CHST9: variants seen among roughly 807,000 people sequenced by gnomAD.
CHST9 encodes the protein GalNAc-4-sulfotransferase 2.
CHST9 carries 41 observed loss-of-function variants against 44.4 expected under a neutral mutation model. The ratio of observed to expected loss-of-function variants is 0.92; its 90% confidence interval spans 0.72 to 1.20. The LOEUF is 1.20. CHST9 is among the 50% of genes most tolerant of loss of function. The pLI is 0.00. For missense variants in CHST9, 504 were observed against 516.5 expected (o/e 0.98, Z 0.23); for synonymous variants, 171 against 178.4 (o/e 0.96, Z 0.33).
Position 27,171,591 on chromosome 18 carries a change from T to C in CHST9, c.-97+13545A>G, listed in dbSNP as rs140966383. ...ACTTGGTGGGGAGCATACAGTCCTA[T>C]GAAGTATTGTAAATGTACAAGGTTC... On this transcript the variant is annotated intron_variant, in intron 1 of 5. Transcript: ENST00000618847. 2.8e-3 allele frequency among the ~76,000 whole-genome samples: 424 copies of C among 152,340 alleles called. 1 individual carries two copies. The highest frequency in any genetic ancestry group is 9.9e-3 in the African/African-American group (410 of 41,584).
chr18:27,085,371 T>A (rs2058001830), intron 2 of CHST9, among the ~76,000 whole-genome samples: 1 of 152,048 alleles, frequency 6.6e-6, no homozygotes, highest in African/African-American at 2.4e-5. Context: ...AAACTATGCA[T>A]CCAACAAAGG....
intron 2 of CHST9, among the ~76,000 whole-genome samples, chr18:27,099,571 CAA>C (rs2058150830): frequency 1.3e-5 from 2 of 152,156 alleles, no homozygotes; most frequent in South Asian, 4.2e-4. Context: ...AGACACTTCT[CAA>C]AAGAGTACAT....
intron 5 of CHST9, chr18:26,930,549 G>C (rs2055858580): frequency 6.5e-6 from 1 of 152,994 alleles, no homozygotes; most frequent in Non-Finnish European, 1.5e-5. Flanking sequence ...GCAGCTTTTT[G>C]GGGTTTCCAA....
At chr18:26,952,483 A>G in intron 4 of CHST9, 1 of 450,712 alleles carries the variant, frequency 2.2e-6, no homozygotes. Flanking sequence ...GGCTCTGACA[A>G]TTGGTATAAA....
intron 2 of CHST9, among the ~76,000 whole-genome samples, chr18:27,141,073 C>T (rs2058560294): frequency 6.6e-6 from 1 of 152,090 alleles, no homozygotes; most frequent in African/African-American, 2.4e-5. Context: ...TCAAGACGAG[C>T]CTGGGCGGGG....
chr18:27,174,276 A>T (rs763574224), intron 1 of CHST9, among the ~76,000 whole-genome samples: 2 of 151,856 alleles, frequency 1.3e-5, no homozygotes, highest in Admixed American at 6.6e-5. Context: ...TGTTAATCAC[A>T]CTGACATTTT....
chr18:27,024,191 C>T, intron 3 of CHST9, 34 bp from the exon 4 acceptor site: 1 of 1,573,154 alleles, frequency 6.4e-7, no homozygotes. Context: ...TCATATATTA[C>T]CATCACATCC....
chr18:26,929,924 T>C (rs1337783760), intron 5 of CHST9, among the ~76,000 whole-genome samples: 4 of 152,144 alleles, frequency 2.6e-5, no homozygotes, highest in South Asian at 2.1e-4. Flanking sequence ...AACATGCCAA[T>C]GCCTACTAGT....
intron 2 of CHST9, among the ~76,000 whole-genome samples, chr18:27,109,393 G>C (rs779917547): frequency 1.3e-5 from 2 of 152,062 alleles, no homozygotes; most frequent in African/African-American, 2.4e-5. Context: ...AAAAAGCTTG[G>C]GTTATTTTAA....
At chr18:27,000,992 T>C (rs1440536721) in intron 4 of CHST9, among the ~76,000 whole-genome samples, 2 of 152,184 alleles carry the variant, frequency 1.3e-5, no homozygotes, top group Admixed American at 1.3e-4. Flanking sequence ...GCATACCCCT[T>C]GGGATATGAG....
Position 27,021,507 on chromosome 18 carries a change from G to C in CHST9, c.202+2609C>G, listed in dbSNP as rs907040090. The stretch of plus-strand genomic sequence containing the variant: ...TCTCAGCCACTAGTATACCTGCTTT[G>C]ATCTACCCCAACCCCAGACCATCAA... On this transcript the variant is annotated intron_variant, in intron 4 of 5. Coordinates refer to ENST00000618847, the MANE Select transcript of CHST9 (RefSeq NM_031422.6). Among the ~76,000 whole-genome samples, 7 of 152,280 alleles carry C rather than the reference G, an allele frequency of 4.6e-5. No homozygotes were observed. In the East Asian group the frequency reaches 1.2e-3, roughly 25 times the overall value.
intron 2 of CHST9, among the ~76,000 whole-genome samples, chr18:27,127,535 A>G (rs2058435158): frequency 6.6e-6 from 1 of 152,212 alleles, no homozygotes; most frequent in Non-Finnish European, 1.5e-5. Context: ...ATGGTCATAC[A>G]GTGGAGATAG....
At chr18:27,020,853 G>C (rs542356249) in intron 4 of CHST9, among the ~76,000 whole-genome samples, 29 of 152,178 alleles carry the variant, frequency 1.9e-4, no homozygotes, top group African/African-American at 6.0e-4. Flanking sequence ...GGTCCCCAAG[G>C]CTCATTAAAC....
At chr18:27,110,458 G>GT (rs1458762101) in intron 2 of CHST9, among the ~76,000 whole-genome samples, 3 of 152,218 alleles carry the variant, frequency 2.0e-5, no homozygotes, top group African/African-American at 7.2e-5. Flanking sequence ...CCCCAGGCTA[G>GT]TTACTCTCTG....
chr18:27,083,777 C>T (rs1433700756), intron 2 of CHST9, among the ~76,000 whole-genome samples: 1 of 152,068 alleles, frequency 6.6e-6, no homozygotes, highest in Non-Finnish European at 1.5e-5. Flanking sequence ...GTTCTTATGT[C>T]TACCCTTGTC....
chr18:27,180,862 A>T (rs1448487701), intron 1 of CHST9, among the ~76,000 whole-genome samples: 1 of 152,166 alleles, frequency 6.6e-6, no homozygotes, highest in Non-Finnish European at 1.5e-5. Context: ...TGTATATAAA[A>T]TTTATCCTGT....
chr18:27,044,096 A>T lies in CHST9; in HGVS notation c.160+4369T>A, dbSNP rs866351220. 5.9e-5 allele frequency among the ~76,000 whole-genome samples: 9 copies of T among 151,746 alleles called. No individual in the cohort carries two copies. In the South Asian group the frequency reaches 6.2e-4, roughly 11 times the overall value. Reference sequence around the variant, plus strand: ...TATTTTAACCTGGTAAACTACTCCAATTCTTTCTTCAAGGACTGACTCAAG... The same window carrying T: ...TATTTTAACCTGGTAAACTACTCCATTTCTTTCTTCAAGGACTGACTCAAG... On this transcript the variant is annotated intron_variant, in intron 3 of 5. Transcript: ENST00000618847.
At chr18:26,954,788 T>C (rs2056299591) in intron 4 of CHST9, among the ~76,000 whole-genome samples, 1 of 152,184 alleles carries the variant, frequency 6.6e-6, no homozygotes, top group South Asian at 2.1e-4. Context: ...TTATTTTATT[T>C]GCAGGTCTGG....
At chr18:27,002,201 C>G (rs1256962832) in intron 4 of CHST9, among the ~76,000 whole-genome samples, 2 of 151,826 alleles carry the variant, frequency 1.3e-5, no homozygotes, top group Non-Finnish European at 2.9e-5. Flanking sequence ...ACTGCAGAAT[C>G]CTACCTGGAG....
Sources: gnomAD v4.1 joint callset for allele counts (sites outside exome capture counted in the v4.1 genomes callset) on GRCh38, gnomAD v4.1.1 for gene constraint, MANE v1.5 for transcripts, NCBI Gene and HGNC (gene_info 2026-07-23, HGNC 2026-07-21) for gene names.